NUP93: variants seen among roughly 807,000 people sequenced by gnomAD.
NUP93 encodes the protein nuclear pore complex protein Nup93.
A neutral mutation model predicts 107.8 loss-of-function variants in NUP93; 55 were observed. That is an observed-to-expected ratio of 0.51 (90% CI 0.41 to 0.64). The LOEUF (loss-of-function observed/expected upper bound fraction) is 0.64. Ranked by LOEUF, NUP93 falls within the 30% of genes least tolerant of loss-of-function variation. The pLI is 0.00. For missense variants in NUP93, 937 were observed against 1,044.7 expected (o/e 0.90, Z 1.42); for synonymous variants, 390 against 397.5 (o/e 0.98, Z 0.22).
At chr16:56,763,695 C>T (rs551622940) in intron 3 of NUP93, among the ~76,000 whole-genome samples, 1 of 152,248 alleles carries the variant, frequency 6.6e-6, no homozygotes, top group South Asian at 2.1e-4. Context: ...CTGTTTTCCC[C>T]ACAGCCTCCA....
intron 3 of NUP93, among the ~76,000 whole-genome samples, chr16:56,763,815 A>G (rs1338746539): frequency 2.0e-5 from 3 of 152,006 alleles, no homozygotes; most frequent in Non-Finnish European, 4.4e-5. Context: ...TTAGCCGCCA[A>G]TTCTAATCAT....
intron 3 of NUP93, among the ~76,000 whole-genome samples, chr16:56,770,075 C>G (rs1263012786): frequency 7.2e-5 from 11 of 152,188 alleles, no homozygotes; most frequent in African/African-American, 2.4e-4. Flanking sequence ...ACATTAACAC[C>G]TGATGTCTTG....
chr16:56,812,644 C>A lies in NUP93; in HGVS notation c.490-6020C>A, dbSNP rs9932803. 9.2e-5 allele frequency among the ~76,000 whole-genome samples: 14 copies of A among 152,132 alleles called. 1 individual carries two copies. In the South Asian group the frequency reaches 2.5e-3, roughly 27 times the overall value. On this transcript the variant is annotated intron_variant, in intron 5 of 21. Transcript: ENST00000308159. ...AGGTGTGAGCCACTGTGTCCGCCCC[C>A]CTAGCAAGTTTTAATAAAGGAAATG...
intron 8 of NUP93, among the ~76,000 whole-genome samples, chr16:56,825,524 T>A (rs1172954740): frequency 6.6e-6 from 1 of 152,010 alleles, no homozygotes; most frequent in African/African-American, 2.4e-5. Flanking sequence ...TTTTAATTTT[T>A]ATTTTTTTTC....
intron 13 of NUP93, among the ~76,000 whole-genome samples, chr16:56,833,903 G>A (rs969384196): frequency 1.5e-4 from 23 of 152,162 alleles, no homozygotes; most frequent in African/African-American, 5.3e-4. Context: ...TCAAAGACCA[G>A]CATATTAGTA....
chr16:56,742,405 A>C (rs1961753735), intron 1 of NUP93, among the ~76,000 whole-genome samples: 1 of 152,248 alleles, frequency 6.6e-6, no homozygotes, highest in South Asian at 2.1e-4. Context: ...TTGGGGGAAA[A>C]ATAATCCAGA....
chr16:56,771,443 G>C (rs1349623082), intron 3 of NUP93, among the ~76,000 whole-genome samples: 1 of 151,982 alleles, frequency 6.6e-6, no homozygotes, highest in East Asian at 1.9e-4. Flanking sequence ...GGATTGGTTG[G>C]GTAAATGCCG....
intron 2 of NUP93, among the ~76,000 whole-genome samples, chr16:56,751,266 C>T (rs1961914017): frequency 6.6e-6 from 1 of 152,146 alleles, no homozygotes; most frequent in Non-Finnish European, 1.5e-5. Context: ...TTTTCACATA[C>T]TTCTCCATGT....
chr16:56,767,144 G>A (rs1962229903), intron 3 of NUP93, among the ~76,000 whole-genome samples: 2 of 152,256 alleles, frequency 1.3e-5, no homozygotes, highest in South Asian at 2.1e-4. Context: ...GCGATCACAA[G>A]ATCAGCAGTG....
intron 4 of NUP93, among the ~76,000 whole-genome samples, chr16:56,802,031 T>C (rs1359979869): frequency 6.6e-6 from 1 of 152,106 alleles, no homozygotes; most frequent in Non-Finnish European, 1.5e-5. Flanking sequence ...AGAGGTCTTG[T>C]CCTTAAGAAA....
chr16:56,778,992 GCAGGGACCCAGCTCTCC>G (rs1962465446), intron 3 of NUP93, among the ~76,000 whole-genome samples: 1 of 152,156 alleles, frequency 6.6e-6, no homozygotes, highest in Non-Finnish European at 1.5e-5. Flanking sequence ...TGGAAAGGGA[GCAGGGACCCAGCTCTCC>G]CAGCTGTATC....
At chr16:56,834,005 A>G (rs1312370498) in intron 13 of NUP93, 123 bp from the exon 14 acceptor site, 1 of 1,402,374 alleles carries the variant, frequency 7.1e-7, no homozygotes, top group African/African-American at 1.4e-5. Flanking sequence ...TTATATTAGC[A>G]AACTTTGACT....
chr16:56,742,629 A>T (rs1284926787), intron 1 of NUP93, among the ~76,000 whole-genome samples: 1 of 152,152 alleles, frequency 6.6e-6, no homozygotes. Context: ...AAGTTTGCTC[A>T]CTCTTGCCCT....
rs148410665 is a variant in NUP93, at chr16:56,809,613, G to C, written c.489+3981G>C. Reference sequence around the variant, plus strand: ...GCTCAGAGAGACACATAATATGCTCGTGAGACCCAGGATGGTTGGCCTGTG... The same window carrying C: ...GCTCAGAGAGACACATAATATGCTCCTGAGACCCAGGATGGTTGGCCTGTG... On this transcript the variant is annotated intron_variant, in intron 5 of 21. Transcript: ENST00000308159. Among the ~76,000 whole-genome samples the C allele has an allele frequency of 7.6e-3, 1,162 of 152,112 alleles. 16 individuals carry two copies. The highest frequency in any genetic ancestry group is 0.026 in the African/African-American group (1,098 of 41,484).
At chr16:56,832,529 CA>C (rs2144632597) in intron 12 of NUP93, 141 bp downstream of exon 12, 2 of 647,746 alleles carry the variant, frequency 3.1e-6, no homozygotes, top group African/African-American at 1.8e-5. Context: ...CAAAACACAA[CA>C]AAACTACCAT....
intron 1 of NUP93, among the ~76,000 whole-genome samples, chr16:56,744,098 CT>C (rs1274269740): frequency 1.3e-5 from 2 of 152,176 alleles, no homozygotes; most frequent in African/African-American, 4.8e-5. Context: ...CCGGGTCCTG[CT>C]TCCGTGGTTT....
chr16:56,800,295 GT>G (rs201512386), intron 4 of NUP93, among the ~76,000 whole-genome samples: 19 of 151,974 alleles, frequency 1.3e-4, no homozygotes, highest in African/African-American at 3.1e-4. Flanking sequence ...TTTTAAAAGG[GT>G]TTTTTTTGGT....
At chr16:56,806,040 G>A (rs915055908) in intron 5 of NUP93, among the ~76,000 whole-genome samples, 1 of 149,572 alleles carries the variant, frequency 6.7e-6, no homozygotes, top group Non-Finnish European at 1.5e-5. Flanking sequence ...TATCTAGCCA[G>A]TGTTAATTTA....
chr16:56,736,105 A>G (rs1961608697), intron 1 of NUP93, among the ~76,000 whole-genome samples: 2 of 152,158 alleles, frequency 1.3e-5, no homozygotes, highest in African/African-American at 4.8e-5. Flanking sequence ...TGAGGCAGGC[A>G]GATCACCTGA....
Sources: gnomAD v4.1 joint callset for allele counts (sites outside exome capture counted in the v4.1 genomes callset) on GRCh38, gnomAD v4.1.1 for gene constraint, MANE v1.5 for transcripts, NCBI Gene and HGNC (gene_info 2026-07-23, HGNC 2026-07-21) for gene names.